Variants in MT1A observed in about 807,000 individuals in gnomAD.
MT1A encodes the protein metallothionein-1A.
Under a neutral mutation model 5.5 loss-of-function variants are expected in MT1A, and 6 were observed. The ratio of observed to expected loss-of-function variants is 1.09; its 90% CI spans 0.60 to 2.16. The LOEUF (loss-of-function observed/expected upper bound fraction) is 2.16. MT1A is among the 30% of genes most tolerant of loss of function. MT1A has a pLI of 0.00. For missense variants in MT1A, 69 were observed against 73.4 expected, an observed-to-expected ratio of 0.94 and a Z score of 0.22; for synonymous variants, 23 against 24.8, an observed-to-expected ratio of 0.93 and a Z score of 0.21.
intron 2 of MT1A, 146 bp from the exon 3 acceptor site, chr16:56,639,713 C>T: frequency 3.7e-6 from 4 of 1,078,254 alleles, no homozygotes; most frequent in Non-Finnish European, 5.4e-6. Flanking sequence ...AAAGATCCAC[C>T]ACTTATCTCC....
rs1020817428 is a variant in MT1A at position 56,639,951 on chromosome 16, T to A, written c.*1T>A. The A allele has an allele frequency of 1.2e-6, 2 of 1,614,224 alleles. No homozygotes were observed. The highest frequency in any genetic ancestry group is 2.7e-5 in the African/African-American group (2 of 75,062). Reference sequence around the variant, plus strand: ...AGAGAAGTGCAGCTGCTGTGCCTGATGTCCGGACAGCCCTGCTCGAAGATA... The same window carrying A: ...AGAGAAGTGCAGCTGCTGTGCCTGAAGTCCGGACAGCCCTGCTCGAAGATA... On this transcript the variant is annotated 3_prime_UTR_variant, in exon 3 of 3. Transcript: ENST00000290705.
chr16:56,639,615 C>T (rs1407845315), intron 2 of MT1A, among the ~76,000 whole-genome samples: 4 of 152,218 alleles, frequency 2.6e-5, no homozygotes, highest in Non-Finnish European at 4.4e-5. Flanking sequence ...TTCCTTTGTC[C>T]TTCATAACCC....
At chr16:56,639,805 AG>A in intron 2 of MT1A, 53 bp from the exon 3 acceptor site, 3 of 1,610,360 alleles carry the variant, frequency 1.9e-6, no homozygotes, top group Non-Finnish European at 2.5e-6. Flanking sequence ...CTCTGGGGGC[AG>A]GGAAGTCCCC....
Position 56,639,925 on chromosome 16 carries a change from C to T in MT1A, c.161C>T (p.Ser54Leu). The change falls in exon 3 of 3, where the codon TCA becomes TTA. Residue 54 changes from serine to leucine, a missense_variant. By Grantham distance (145) the Ser-to-Leu change is moderately radical. Transcript: ENST00000290705. ...CAGGGCTGCATCTGCAAAGGGGCAT[C>T]AGAGAAGTGCAGCTGCTGTGCCTGA... ...CAQGCICKGA[S>L]EKCSCCA 6.2e-7 allele frequency: 1 copy of T among 1,614,218 alleles called. No homozygotes were observed. The highest frequency in any genetic ancestry group is 8.5e-7 in the Non-Finnish European group (1 of 1,180,032).
rs536947307 is a variant in MT1A at position 56,639,478 on chromosome 16, G to A, written c.94+149G>A. The A allele has an allele frequency of 5.8e-5, 62 of 1,070,700 alleles. No individual in the cohort carries two copies. In the East Asian group the frequency reaches 1.2e-3, roughly 21 times the overall value. 66.3% of individuals were successfully genotyped at this position (1,070,700 alleles called of 1,614,324 possible). A position where few individuals can be genotyped will look rare whatever the true frequency, so the allele number is the denominator to read the frequency against. ...CAGGATCAGAGCCAGATCTTTAGAC[G>A]TGATGGATTCCCAAGTTTCGTTCTT... On this transcript the variant is annotated intron_variant, in intron 2 of 2. Coordinates refer to ENST00000290705, the MANE Select transcript of MT1A (RefSeq NM_005946.3).
chr16:56,638,941 C>G (rs572476097), intron 1 of MT1A, among the ~76,000 whole-genome samples, 175 bp downstream of exon 1: 1 of 152,256 alleles, frequency 6.6e-6, no homozygotes, highest in African/African-American at 2.4e-5. Flanking sequence ...TATTCTAATG[C>G]CTCCCATTTC....
intron 1 of MT1A, 65 bp from the exon 2 acceptor site, chr16:56,639,199 G>A (rs1019117763): frequency 3.2e-5 from 50 of 1,574,834 alleles, no homozygotes; most frequent in Admixed American, 1.7e-5. Flanking sequence ...TCAGCTGGCA[G>A]CATTTGTTGA....
intron 2 of MT1A, 49 bp downstream of exon 2, chr16:56,639,378 G>T (rs7190725): frequency 0.13 from 208,806 of 1,586,494 alleles, 14,187 homozygotes; most frequent in East Asian, 0.22. Flanking sequence ...CAAGTCAGAG[G>T]CAGGAAACCA....
In MT1A at chr16:56,640,019, C is replaced by G; in HGVS notation, c.*69C>G. ...ACAAACTTGGAATTTTTTTTCCATA[C>G]AACCCTGACCCATTTACTGTATTTT... On this transcript the variant is annotated 3_prime_UTR_variant, in exon 3 of 3. Coordinates refer to ENST00000290705, the MANE Select transcript of MT1A (RefSeq NM_005946.3). 2 of 1,561,116 alleles carry G rather than the reference C, an allele frequency of 1.3e-6. No individual in the cohort carries two copies. Among genetic ancestry groups the G allele is most frequent in the Non-Finnish European group, 1.7e-6 (2 of 1,146,946 alleles).
intron 1 of MT1A, 99 bp downstream of exon 1, chr16:56,638,865 G>A (rs1960409997): frequency 7.0e-7 from 1 of 1,420,250 alleles, no homozygotes. Flanking sequence ...CTAGCTAAGT[G>A]GAGTCATTTA....
At chr16:56,639,134 G>T in intron 1 of MT1A, 130 bp from the exon 2 acceptor site, 1 of 1,101,536 alleles carries the variant, frequency 9.1e-7, no homozygotes, top group Non-Finnish European at 1.3e-6. Flanking sequence ...AGTAAGATTA[G>T]GCTTCATGGT....
chr16:56,639,454 A>G, intron 2 of MT1A, 125 bp downstream of exon 2: 2 of 1,197,024 alleles, frequency 1.7e-6, no homozygotes, highest in South Asian at 2.5e-5. Context: ...CAACTGATTC[A>G]GGATCAGAGC....
rs1203763532 is a variant in MT1A, at chr16:56,639,256, C to G, written c.29-8C>G. 3.1e-6 allele frequency: 5 copies of G among 1,611,496 alleles called. No homozygotes were observed. Among genetic ancestry groups the G allele is most frequent in the African/African-American group, 1.3e-5 (1 of 74,904 alleles). On this transcript the variant is annotated splice_region_variant and splice_polypyrimidine_tract_variant and intron_variant, in intron 1 of 2. Coordinates refer to ENST00000290705, the MANE Select transcript of MT1A (RefSeq NM_005946.3). ...ATAAAATTCACTGCCTTTTTCTCTT[C>G]CTTGCAGGTGGCTCCTGCACCTGCA...
intron 1 of MT1A, among the ~76,000 whole-genome samples, 174 bp from the exon 2 acceptor site, chr16:56,639,090 G>A (rs750711316): frequency 6.6e-6 from 1 of 152,134 alleles, no homozygotes; most frequent in Non-Finnish European, 1.5e-5. Flanking sequence ...TCGGGATTAA[G>A]GACATAAAGC....
rs1171767439 is a variant in MT1A, at chr16:56,639,944, T to A, written c.180T>A (p.Cys60Ter). The change falls in exon 3 of 3, where the codon TGT (cysteine) becomes TGA (stop). Residue 60 changes from cysteine (C) to a stop codon, truncating the protein, a stop_gained. Transcript: ENST00000290705. LOFTEE classifies it high-confidence loss of function. ...GGGCATCAGAGAAGTGCAGCTGCTG[T>A]GCCTGATGTCCGGACAGCCCTGCTC... ...CKGASEKCSC[C>*]A 1 of 1,614,232 alleles carries A rather than the reference T, an allele frequency of 6.2e-7. No individual in the cohort carries two copies. The highest frequency in any genetic ancestry group is 1.1e-5 in the South Asian group (1 of 91,088).
chr16:56,639,262 A>G lies in MT1A; in HGVS notation c.29-2A>G, dbSNP rs759317492. 1.2e-6 allele frequency: 2 copies of G among 1,611,828 alleles called. No homozygotes were observed. The highest frequency in any genetic ancestry group is 1.1e-5 in the South Asian group (1 of 91,064). On this transcript the variant is annotated splice_acceptor_variant, in intron 1 of 2. Coordinates refer to ENST00000290705, the MANE Select transcript of MT1A (RefSeq NM_005946.3). LOFTEE classifies it high-confidence loss of function. ...TTCACTGCCTTTTTCTCTTCCTTGC[A>G]GGTGGCTCCTGCACCTGCACTGGCT...
In MT1A at chr16:56,639,276, C is replaced by T. The variant is rs751573087; in HGVS notation, c.41C>T (p.Thr14Ile). The T allele has an allele frequency of 1.1e-5, 18 of 1,611,964 alleles. No homozygotes were observed. Among genetic ancestry groups the T allele is most frequent in the Non-Finnish European group, 1.4e-5 (17 of 1,178,618 alleles). ...NCSCATGGSCTCTGSCKCKEC... is the reference protein window; with the variant it reads ...NCSCATGGSCICTGSCKCKEC... ...CTCTTCCTTGCAGGTGGCTCCTGCA[C>T]CTGCACTGGCTCCTGCAAATGCAAA... The change falls in exon 2 of 3, where the codon ACC becomes ATC. Residue 14 changes from threonine to isoleucine, a missense_variant. Coordinates refer to ENST00000290705, the MANE Select transcript of MT1A (RefSeq NM_005946.3).
rs1960420302 is a variant in MT1A at position 56,639,767 on chromosome 16, G to T, written c.95-92G>T. 5.2e-6 allele frequency: 8 copies of T among 1,533,320 alleles called. No individual in the cohort carries two copies. In the South Asian group the frequency reaches 9.1e-5, roughly 17 times the overall value. 95.0% of individuals were successfully genotyped at this position (1,533,320 alleles called of 1,614,324 possible). A position where few individuals can be genotyped will look rare whatever the true frequency, so the allele number is the denominator to read the frequency against. ...CCATCCTGAACTAAGTGTCCTCTGGGGCTGGGGACAGAGCTTGGGCCAGGC... is the reference window on the plus strand; with the variant it reads ...CCATCCTGAACTAAGTGTCCTCTGGTGCTGGGGACAGAGCTTGGGCCAGGC... On this transcript the variant is annotated intron_variant, in intron 2 of 2. Transcript: ENST00000290705.
chr16:56,638,669 A>T lies in MT1A; in HGVS notation c.-70A>T. 6.4e-7 allele frequency: 1 copy of T among 1,570,402 alleles called. No individual in the cohort carries two copies. The highest frequency in any genetic ancestry group is 8.8e-7 in the Non-Finnish European group (1 of 1,140,746). On this transcript the variant is annotated 5_prime_UTR_variant, in exon 1 of 3. Coordinates refer to ENST00000290705, the MANE Select transcript of MT1A (RefSeq NM_005946.3). ...CAGCCGCTGGCTGCTGGGCCCTACC[A>T]AGCCTTCCACGTGCGCCTTATAGCC... is the stretch of plus-strand genomic sequence containing the variant.
Sources: allele counts gnomAD v4.1 joint callset (sites outside exome capture counted in the v4.1 genomes callset), GRCh38; gene constraint gnomAD v4.1.1; transcripts MANE v1.5; gene names NCBI Gene and HGNC (gene_info 2026-07-23, HGNC 2026-07-21).